AIFM2: variants seen among roughly 807,000 people sequenced by gnomAD.
The protein encoded by AIFM2 is AIF family member 2, ferroptosis suppressor, also known as ferroptosis suppressor protein 1.
Under a neutral mutation model 35.7 loss-of-function variants are expected in AIFM2, and 38 were observed. That is an observed-to-expected ratio of 1.06 (90% CI 0.82 to 1.39). The LOEUF (loss-of-function observed/expected upper bound fraction) is 1.39, where lower values mean the gene tolerates loss of function less well. Ranked by LOEUF, AIFM2 falls within the 40% of genes most tolerant of loss-of-function variation. The probability of loss-of-function intolerance (pLI) is 0.00; values close to 1 mark genes in which losing one functional copy is unlikely to be tolerated. For missense variants in AIFM2, 476 were observed against 491.2 expected (o/e 0.97, Z 0.29); for synonymous variants, 185 against 203.5 (o/e 0.91, Z 0.77).
In AIFM2 at chr10:70,117,394, A is replaced by G. The variant is rs1037182780; in HGVS notation, c.616+418T>C. Among the ~76,000 whole-genome samples, 13 of 152,226 alleles carry G rather than the reference A, an allele frequency of 8.5e-5. No homozygotes were observed. Among genetic ancestry groups the G allele is most frequent in the African/African-American group, 2.7e-4 (11 of 41,456 alleles). ...GGTGGGTCTCGTCCCCTGCTCTACAAGAAGGCCACACTCCTCACCACTCTC... is the reference window on the plus strand; with the variant it reads ...GGTGGGTCTCGTCCCCTGCTCTACAGGAAGGCCACACTCCTCACCACTCTC... On this transcript the variant is annotated intron_variant, in intron 6 of 8. Transcript: ENST00000307864. This position sits in a 1 kb window ranked among gnomAD's most constrained non-coding sequence, Gnocchi z 4.7.
chr10:70,121,266 C>T (rs575823308), intron 3 of AIFM2, 55 bp from the exon 4 acceptor site: 37 of 1,434,890 alleles, frequency 2.6e-5, no homozygotes, highest in South Asian at 7.2e-5. Flanking sequence ...GAGGGTAGGG[C>T]AGGGCAGGGC....
chr10:70,123,871 C>T, intron 2 of AIFM2, 36 bp downstream of exon 2: 2 of 1,497,662 alleles, frequency 1.3e-6, no homozygotes, highest in Non-Finnish European at 8.9e-7. Flanking sequence ...GACAAGACCC[C>T]CCTCACAGAG....
chr10:70,118,222 C>T, intron 5 of AIFM2: 1 of 303,488 alleles, frequency 3.3e-6, no homozygotes, highest in Non-Finnish European at 6.1e-6. Flanking sequence ...TTCAAGCATC[C>T]TTGGGCACTT....
At position 70,113,124 on chromosome 10, in the gene AIFM2, C is replaced by T. The variant is rs2072396552; in HGVS notation, c.*1054G>A. The stretch of plus-strand genomic sequence containing the variant: ...GGCAGGCCAGGCTGCAGTCTCAACC[C>T]CTGCTAGCCGTGTAAAAATGCACTC... On this transcript the variant is annotated 3_prime_UTR_variant, in exon 9 of 9. Transcript: ENST00000307864. 2 of 152,258 alleles carry T rather than the reference C, an allele frequency of 1.3e-5. No individual in the cohort carries two copies. Among genetic ancestry groups the T allele is most frequent in the Non-Finnish European group, 2.9e-5 (2 of 68,054 alleles). 9.4% of individuals were successfully genotyped at this position (152,258 alleles called of 1,614,324 possible). A position where few individuals can be genotyped will look rare whatever the true frequency, so the allele number is the denominator to read the frequency against.
intron 3 of AIFM2, among the ~76,000 whole-genome samples, chr10:70,121,454 G>C (rs567884963): frequency 6.6e-6 from 1 of 152,088 alleles, no homozygotes; most frequent in Admixed American, 6.5e-5. Flanking sequence ...TTACCTCCGC[G>C]TGGAGAATGT....
At position 70,114,258 on chromosome 10, in the gene AIFM2, G is replaced by A. The variant is rs542314841; in HGVS notation, c.1042C>T (p.Arg348Trp). The change falls in exon 9 of 9, where the codon CGG (arginine) becomes TGG (tryptophan). Residue 348 changes from arginine to tryptophan, a missense_variant. Transcript: ENST00000307864. ...CTCTTGGTCAGCCGAACCATGAGCCGGCCCACATAGAAGCCACTGATTTGG... is the reference window on the plus strand; with the variant it reads ...CTCTTGGTCAGCCGAACCATGAGCCAGCCCACATAGAAGCCACTGATTTGG... ...VGQISGFYVG[R>W]LMVRLTKSRD... is the part of the protein sequence containing the mutation. 3.2e-5 allele frequency: 51 copies of A among 1,613,630 alleles called. No individual in the cohort carries two copies. Among genetic ancestry groups the A allele is most frequent in the South Asian group, 2.5e-4 (23 of 91,072 alleles).
intron 1 of AIFM2, among the ~76,000 whole-genome samples, chr10:70,128,012 C>T (rs1036492441): frequency 3.3e-5 from 5 of 152,204 alleles, no homozygotes; most frequent in South Asian, 2.1e-4. Flanking sequence ...TTGGACATGC[C>T]GACTCTCTTT....
In AIFM2 at chr10:70,131,401, G is replaced by A. The variant is rs931866492; in HGVS notation, c.-14+1333C>T. On this transcript the variant is annotated intron_variant, in intron 1 of 8. Coordinates refer to ENST00000307864, the MANE Select transcript of AIFM2 (RefSeq NM_032797.6). This position sits in a 1 kb window ranked among gnomAD's most constrained non-coding sequence, Gnocchi z 4.1. ...GGCCTCCCTTCCTGGGACACTCCATGGCCAGCCCCTCAGGGACTACTTGAA... is the reference window on the plus strand; with the variant it reads ...GGCCTCCCTTCCTGGGACACTCCATAGCCAGCCCCTCAGGGACTACTTGAA... Among the ~76,000 whole-genome samples the A allele has an allele frequency of 6.6e-6, 1 of 152,134 alleles. No individual in the cohort carries two copies. Among genetic ancestry groups the A allele is most frequent in the Admixed American group, 6.5e-5 (1 of 15,276 alleles).
At chr10:70,125,829 C>T (rs1027518497) in intron 1 of AIFM2, among the ~76,000 whole-genome samples, 12 of 152,120 alleles carry the variant, frequency 7.9e-5, no homozygotes, top group Non-Finnish European at 1.5e-4. Context: ...TTTTGGGGGT[C>T]GGGTCTTCCT....
chr10:70,126,452 T>C (rs1334278422), intron 1 of AIFM2, among the ~76,000 whole-genome samples: 1 of 152,154 alleles, frequency 6.6e-6, no homozygotes, highest in Non-Finnish European at 1.5e-5. Flanking sequence ...TAAGGAAGTG[T>C]GTTCCAGCTC....
intron 5 of AIFM2, among the ~76,000 whole-genome samples, chr10:70,119,096 G>A (rs1476147506): frequency 6.6e-6 from 1 of 152,160 alleles, no homozygotes; most frequent in Non-Finnish European, 1.5e-5. Flanking sequence ...TGGTGAACAT[G>A]TCCACATGCC....
intron 5 of AIFM2, 35 bp downstream of exon 5, chr10:70,120,472 C>T (rs748183209): frequency 2.5e-6 from 4 of 1,610,234 alleles, no homozygotes; most frequent in South Asian, 1.1e-5. Context: ...AAAAGCCAAC[C>T]ACTTAGAGCT....
Position 70,124,117 on chromosome 10 carries a change from G to T in AIFM2, c.-13-20C>A. Reference sequence around the variant, plus strand: ...CAGGCACTGCTGGGAAGAAAGAGGAGAGCATATCAGAGTCAGGGAGGCTGG... The same window carrying T: ...CAGGCACTGCTGGGAAGAAAGAGGATAGCATATCAGAGTCAGGGAGGCTGG... On this transcript the variant is annotated intron_variant, in intron 1 of 8. Transcript: ENST00000307864. 7.1e-7 allele frequency: 1 copy of T among 1,415,308 alleles called. No individual in the cohort carries two copies. 87.7% of individuals were successfully genotyped at this position (1,415,308 alleles called of 1,614,324 possible).
chr10:70,125,593 G>A (rs1024530563), intron 1 of AIFM2, among the ~76,000 whole-genome samples: 1 of 151,600 alleles, frequency 6.6e-6, no homozygotes, highest in Non-Finnish European at 1.5e-5. Flanking sequence ...ACACCAGCCT[G>A]GGCCACAGAG....
intron 4 of AIFM2, 148 bp downstream of exon 4, chr10:70,120,944 G>A (rs888133124): frequency 2.2e-6 from 3 of 1,382,442 alleles, no homozygotes; most frequent in Middle Eastern, 1.9e-4. Flanking sequence ...CTCTTCCCAG[G>A]AAAGTCTCTT....
rs76028024 is a variant in AIFM2, at chr10:70,125,818, C to T, written c.-13-1721G>A. Among the ~76,000 whole-genome samples, 3 of 152,298 alleles carry T rather than the reference C, an allele frequency of 2.0e-5. No individual in the cohort carries two copies. The East Asian group carries it at 5.8e-4, about 29-fold the overall frequency. On this transcript the variant is annotated intron_variant, in intron 1 of 8. Transcript: ENST00000307864. The stretch of plus-strand genomic sequence containing the variant: ...AGATGGTATATAAGCTTCTGTACCT[C>T]TTTTGGGGGTCGGGTCTTCCTTCTG...
chr10:70,127,334 A>C (rs917397657), intron 1 of AIFM2, among the ~76,000 whole-genome samples: 1 of 152,226 alleles, frequency 6.6e-6, no homozygotes, highest in Non-Finnish European at 1.5e-5. Flanking sequence ...ACTGTGCGTC[A>C]GGTCACACTG....
At chr10:70,121,252 A>C (rs1185108991) in intron 3 of AIFM2, 41 bp from the exon 4 acceptor site, 10 of 1,367,276 alleles carry the variant, frequency 7.3e-6, no homozygotes, top group Non-Finnish European at 9.6e-6. Context: ...AAAAAAAAAA[A>C]GATGAGGGTA....
Position 70,114,235 on chromosome 10 carries a change from C to G in AIFM2, c.1065G>C (p.Lys355Asn), listed in dbSNP as rs752574364. 6.2e-7 allele frequency: 1 copy of G among 1,613,948 alleles called. No homozygotes were observed. Among genetic ancestry groups the G allele is most frequent in the Non-Finnish European group, 8.5e-7 (1 of 1,180,014 alleles). Residue 355 changes from lysine (K) to asparagine (N), a missense_variant, in exon 9 of 9, where the codon AAG (lysine) becomes AAC (asparagine). Lys to Asn is a moderately conservative substitution (Grantham distance 94). Coordinates refer to ENST00000307864, the MANE Select transcript of AIFM2 (RefSeq NM_032797.6). ...YVGRLMVRLT[K>N]SRDLFVSTSW... is the part of the protein sequence containing the mutation. ...TCGTAGAGACGAACAGGTCCCGGCT[C>G]TTGGTCAGCCGAACCATGAGCCGGC...
Sources: allele counts gnomAD v4.1 joint callset (sites outside exome capture counted in the v4.1 genomes callset), GRCh38; gene constraint gnomAD v4.1.1; non-coding constraint Gnocchi (gnomAD v3.1); transcripts MANE v1.5; gene names NCBI Gene and HGNC (gene_info 2026-07-23, HGNC 2026-07-21).